CHAF1A: variants seen among roughly 807,000 people sequenced by gnomAD.
The protein encoded by CHAF1A is CAF-1 subunit A.
In CHAF1A, 5 loss-of-function variants were observed where a neutral mutation model predicts 93.2. That is an observed-to-expected ratio of 0.05 (90% CI 0.03 to 0.11). The LOEUF (loss-of-function observed/expected upper bound fraction) is 0.11, where lower values mean the gene tolerates loss of function less well. Among genes scored for constraint, CHAF1A ranks in the 10% least tolerant of loss-of-function variants. CHAF1A has a pLI of 1.00. For missense variants in CHAF1A, 1,102 were observed against 1,259.9 expected, an observed-to-expected ratio of 0.87 and a Z score of 1.90; for synonymous variants, 504 against 510.3, an observed-to-expected ratio of 0.99 and a Z score of 0.17.
chr19:4,415,672 G>T (rs925790241), intron 3 of CHAF1A, among the ~76,000 whole-genome samples: 5 of 152,094 alleles, frequency 3.3e-5, no homozygotes, highest in African/African-American at 9.6e-5. Flanking sequence ...TCTCAGCAAA[G>T]ACTGAACACC....
intron 2 of CHAF1A, 79 bp from the exon 3 acceptor site, chr19:4,408,824 A>G: frequency 6.6e-7 from 1 of 1,510,472 alleles, no homozygotes; most frequent in Non-Finnish European, 8.9e-7. Flanking sequence ...CCATGTCCCA[A>G]CAAATCAGTA....
At chr19:4,405,839 C>A in intron 1 of CHAF1A, 73 bp from the exon 2 acceptor site, 1 of 1,340,782 alleles carries the variant, frequency 7.5e-7, no homozygotes, top group Non-Finnish European at 1.1e-6. Context: ...ACATAATTGG[C>A]TCTACATATG....
In CHAF1A at chr19:4,429,050, C is replaced by G. The variant is rs542665007; in HGVS notation, c.1604+160C>G. The G allele has an allele frequency of 2.4e-5, 15 of 617,924 alleles. No homozygotes were observed. The South Asian group carries it at 2.8e-4, about 11-fold the overall frequency. The allele number at this position is 617,924 out of a possible 1,614,324, so 38.3% of individuals were successfully genotyped here. On this transcript the variant is annotated intron_variant, in intron 8 of 14. Coordinates refer to ENST00000301280, the MANE Select transcript of CHAF1A (RefSeq NM_005483.3). ...GGTGCTGGCTCAGGCCTCTCTCCACCTGGCCTTCCTGTAAGCTCCTGAAGT... is the reference window on the plus strand; with the variant it reads ...GGTGCTGGCTCAGGCCTCTCTCCACGTGGCCTTCCTGTAAGCTCCTGAAGT...
chr19:4,436,343 C>A (rs2145142166), intron 13 of CHAF1A, among the ~76,000 whole-genome samples: 1 of 152,320 alleles, frequency 6.6e-6, no homozygotes, highest in Middle Eastern at 3.4e-3. Flanking sequence ...CTGTTCCTGG[C>A]ACTCCCTAGA....
downstream of CHAF1A, chr19:4,446,758 AGAGACCCCCAAGCCGGGCCCTCCTGCCCC>A (rs1568188970): frequency 6.2e-7 from 1 of 1,611,546 alleles, no homozygotes; most frequent in Non-Finnish European, 8.5e-7. Flanking sequence ...TGTGCAATGG[AGAGACCCCCAAGCCGGGCCCTCCTGCCCC>A]GAGGCCCCTC....
rs1453714174 is a variant in CHAF1A at position 4,422,818 on chromosome 19, C to G, written c.1247+23C>G. On this transcript the variant is annotated intron_variant, in intron 5 of 14. Coordinates refer to ENST00000301280, the MANE Select transcript of CHAF1A (RefSeq NM_005483.3). This position sits in a 1 kb window ranked among gnomAD's most constrained non-coding sequence, Gnocchi z 4.6. Reference sequence around the variant, plus strand: ...GGAGTGAGTGTCCTTGGAGGCCATGCTGGGCCCGCCACCCTGCTGCTGGAT... The same window carrying G: ...GGAGTGAGTGTCCTTGGAGGCCATGGTGGGCCCGCCACCCTGCTGCTGGAT... 1.2e-6 allele frequency: 2 copies of G among 1,603,798 alleles called. No individual in the cohort carries two copies. Among genetic ancestry groups the G allele is most frequent in the African/African-American group, 2.7e-5 (2 of 74,662 alleles).
intron 1 of CHAF1A, among the ~76,000 whole-genome samples, chr19:4,403,514 T>G (rs1973625658): frequency 6.6e-6 from 1 of 152,264 alleles, no homozygotes; most frequent in Non-Finnish European, 1.5e-5. Context: ...TAGTAGGTGC[T>G]CAGTAAATAA....
chr19:4,437,396 C>T (rs1214280042), intron 13 of CHAF1A, among the ~76,000 whole-genome samples: 6 of 152,116 alleles, frequency 3.9e-5, no homozygotes, highest in Non-Finnish European at 8.8e-5. Context: ...GTTACCTAGG[C>T]CGGAGTGCAA....
intron 13 of CHAF1A, among the ~76,000 whole-genome samples, chr19:4,434,807 T>C (rs562379096): frequency 6.6e-6 from 1 of 152,180 alleles, no homozygotes; most frequent in Non-Finnish European, 1.5e-5. Flanking sequence ...CACAGGTATA[T>C]GCAGAACACC....
chr19:4,447,488 C>T (rs1974559317), downstream of CHAF1A: 1 of 1,588,764 alleles, frequency 6.3e-7, no homozygotes, highest in African/African-American at 1.3e-5. Context: ...CCACCACCGG[C>T]TCCTGCAGGC....
chr19:4,430,835 T>G (rs1974168835), intron 11 of CHAF1A, 194 bp downstream of exon 11: 2 of 577,644 alleles, frequency 3.5e-6, no homozygotes, highest in Non-Finnish European at 6.1e-6. Flanking sequence ...GTGGCAGACG[T>G]AGGAGGAGCT....
rs373711518 is a variant in CHAF1A at position 4,430,608 on chromosome 19, T to C, written c.1914T>C (p.His638=). 7 of 1,613,210 alleles carry C rather than the reference T, an allele frequency of 4.3e-6. No homozygotes were observed. Among genetic ancestry groups the C allele is most frequent in the Non-Finnish European group, 5.9e-6 (7 of 1,179,812 alleles). Reference sequence around the variant, plus strand: ...AGGACGATGGTTTCTTTGTGCCCCATGGGTACCTGTCTGAGGACGAAGGTG... The same window carrying C: ...AGGACGATGGTTTCTTTGTGCCCCACGGGTACCTGTCTGAGGACGAAGGTG... ...EDEDDGFFVP[H]GYLSEDEGVT... The change falls in exon 11 of 15, where the codon CAT becomes CAC. Residue 638 remains histidine (H), a synonymous_variant. Transcript: ENST00000301280.
chr19:4,437,832 T>C (rs1330497653), intron 13 of CHAF1A, among the ~76,000 whole-genome samples: 2 of 152,096 alleles, frequency 1.3e-5, no homozygotes, highest in Admixed American at 6.6e-5. Context: ...CTCCACCTCC[T>C]GGGTTCACGC....
Position 4,443,318 on chromosome 19 carries a change from C to T in CHAF1A, c.*293C>T, listed in dbSNP as rs535537157. ...TCCAATACTTGTAAATGAATTGAAGCGTCAGGACCACCCGCCTGGCCACGT... is the reference window on the plus strand; with the variant it reads ...TCCAATACTTGTAAATGAATTGAAGTGTCAGGACCACCCGCCTGGCCACGT... On this transcript the variant is annotated 3_prime_UTR_variant, in exon 15 of 15. Transcript: ENST00000301280. The T allele has an allele frequency of 2.3e-4, 91 of 394,588 alleles. No individual in the cohort carries two copies. The highest frequency in any genetic ancestry group is 4.5e-4 in the Admixed American group (12 of 26,466). The allele number at this position is 394,588 out of a possible 1,614,324, so 24.4% of individuals were successfully genotyped here.
At chr19:4,430,526 T>C (rs762939926) in intron 10 of CHAF1A, 23 bp from the exon 11 acceptor site, 1 of 1,481,578 alleles carries the variant, frequency 6.7e-7, no homozygotes, top group South Asian at 1.1e-5. Flanking sequence ...TCTGATGAAC[T>C]CTTTTTTTTT....
intron 11 of CHAF1A, chr19:4,431,092 C>CA (rs1421713964): frequency 6.2e-6 from 1 of 160,312 alleles, no homozygotes; most frequent in Non-Finnish European, 1.4e-5. Flanking sequence ...ACCTGCCTGC[C>CA]ACCCCTTTCC....
chr19:4,414,886 C>T (rs968389139), intron 3 of CHAF1A, among the ~76,000 whole-genome samples: 6 of 152,194 alleles, frequency 3.9e-5, no homozygotes, highest in Non-Finnish European at 8.8e-5. Flanking sequence ...TCTCTTTTCC[C>T]CCCTGCCTCC....
At chr19:4,404,881 T>C (rs978596236) in intron 1 of CHAF1A, among the ~76,000 whole-genome samples, 2 of 152,204 alleles carry the variant, frequency 1.3e-5, no homozygotes. Flanking sequence ...GAAAATATTT[T>C]GTCTTATCTT....
rs371634122 is a variant in CHAF1A at position 4,442,340 on chromosome 19, G to A, written c.2769G>A (p.Ala923=). ...DCMIVDVPDA[A]EVQAPCGAAS... is the part of the protein sequence containing the mutation. ...TGATCGTGGATGTCCCGGATGCTGC[G>A]GGTGAGAAGGGCTGTAGATAGCAGA... The change falls in exon 14 of 15, where the codon GCG becomes GCA. Residue 923 remains alanine, a splice_region_variant and synonymous_variant. Transcript: ENST00000301280. 53 of 1,583,566 alleles carry A rather than the reference G, an allele frequency of 3.3e-5. No homozygotes were observed. The highest frequency in any genetic ancestry group is 2.9e-4 in the African/African-American group (22 of 74,580).
Sources: allele counts gnomAD v4.1 joint callset (sites outside exome capture counted in the v4.1 genomes callset), GRCh38; gene constraint gnomAD v4.1.1; non-coding constraint Gnocchi (gnomAD v3.1); transcripts MANE v1.5; gene names NCBI Gene and HGNC (gene_info 2026-07-23, HGNC 2026-07-21).